Variants in GNB5 observed in about 807,000 individuals in gnomAD.
The protein encoded by GNB5 is G protein subunit beta 5, also known as guanine nucleotide-binding protein subunit beta-5.
A neutral mutation model predicts 55.3 loss-of-function variants in GNB5; 37 were observed. The observed-to-expected ratio is 0.67, with a 90% confidence interval of 0.51 to 0.88. The LOEUF is 0.88. GNB5 is among the 40% of genes least tolerant of loss of function. GNB5 has a pLI of 0.00. For synonymous variants in GNB5, 219 were observed against 198.5 expected, an observed-to-expected ratio of 1.10 and a Z score of -0.87; for missense variants, 476 against 515.3, an observed-to-expected ratio of 0.92 and a Z score of 0.74.
chr15:52,170,966 C>T (rs973791935), intron 3 of GNB5, among the ~76,000 whole-genome samples: 3 of 151,180 alleles, frequency 2.0e-5, no homozygotes, highest in African/African-American at 4.9e-5. Flanking sequence ...TGGTGGTGTG[C>T]GACTATAATC....
chr15:52,133,920 C>T (rs557419290), intron 8 of GNB5, among the ~76,000 whole-genome samples: 2 of 152,318 alleles, frequency 1.3e-5, no homozygotes, highest in Admixed American at 6.5e-5. Flanking sequence ...ATGGAGCAGC[C>T]GAGAGTCCCA....
chr15:52,158,279 C>G (rs1388355095), intron 3 of GNB5, among the ~76,000 whole-genome samples: 1 of 152,146 alleles, frequency 6.6e-6, no homozygotes, highest in Non-Finnish European at 1.5e-5. Context: ...ACCTCTCTTC[C>G]CCTGTGGGGT....
intron 10 of GNB5, among the ~76,000 whole-genome samples, chr15:52,127,298 G>T (rs1466419384): frequency 6.6e-6 from 1 of 152,164 alleles, no homozygotes; most frequent in African/African-American, 2.4e-5. Flanking sequence ...AGGTGACTTT[G>T]AAAATATTTT....
intron 5 of GNB5, among the ~76,000 whole-genome samples, chr15:52,149,006 G>A (rs1296232213): frequency 6.6e-6 from 1 of 152,244 alleles, no homozygotes; most frequent in Non-Finnish European, 1.5e-5. Context: ...TGAGAGAGAT[G>A]AAGGCTTCCA....
Position 52,126,023 on chromosome 15 carries a change from C to T in GNB5, c.934G>A (p.Ala312Thr). 6.3e-7 allele frequency: 1 copy of T among 1,579,438 alleles called. No homozygotes were observed. The highest frequency in any genetic ancestry group is 8.7e-7 in the Non-Finnish European group (1 of 1,151,398). The change falls in exon 11 of 13, where the codon GCA (alanine) becomes ACA (threonine). Residue 312 changes from alanine (A) to threonine (T), a missense_variant. By Grantham distance (58) the Ala-to-Thr change is moderately conservative. Coordinates refer to ENST00000261837, the MANE Select transcript of GNB5 (RefSeq NM_016194.4). Reference protein sequence around the residue: ...DATCRLYDLRADREVAIYSKE... With the variant: ...DATCRLYDLRTDREVAIYSKE... ...GAATAGATGGCAACCTCCCTATCTG[C>T]CCGCAGGTCATAGAGGCGACACTGG... is the stretch of plus-strand genomic sequence containing the variant.
At chr15:52,189,218 G>C (rs967103747) in intron 1 of GNB5, among the ~76,000 whole-genome samples, 1 of 152,208 alleles carries the variant, frequency 6.6e-6, no homozygotes, top group African/African-American at 2.4e-5. Context: ...AAAACGGTTT[G>C]GCAGTTATTC....
In GNB5 at chr15:52,182,532, A is replaced by T. The variant is rs147247422; in HGVS notation, c.126+2019T>A. On this transcript the variant is annotated intron_variant, in intron 2 of 12. Transcript: ENST00000261837. ...GCCATCAGACTTTTAATGGTTAGGC[A>T]GTTTTCCAAGTACTTTCTTGTATTT... 1.4e-3 allele frequency among the ~76,000 whole-genome samples: 217 copies of T among 152,332 alleles called. 1 individual carries two copies. The highest frequency in any genetic ancestry group is 4.7e-3 in the African/African-American group (196 of 41,582).
At position 52,116,414 on chromosome 15, in the gene GNB5, G is replaced by A. The variant is rs1183182624; in HGVS notation, c.*6343C>T. The A allele has an allele frequency of 6.6e-6, 1 of 152,154 alleles. No homozygotes were observed. Among genetic ancestry groups the A allele is most frequent in the Non-Finnish European group, 1.5e-5 (1 of 68,034 alleles). 9.4% of individuals were successfully genotyped at this position (152,154 alleles called of 1,614,324 possible). ...CTCCTGATCCCATCTCCTTACTAGAGGGTCTGCATCTTTTTTTCTGGTCCT... is the reference window on the plus strand; with the variant it reads ...CTCCTGATCCCATCTCCTTACTAGAAGGTCTGCATCTTTTTTTCTGGTCCT... On this transcript the variant is annotated 3_prime_UTR_variant, in exon 13 of 13. Coordinates refer to ENST00000261837, the MANE Select transcript of GNB5 (RefSeq NM_016194.4).
intron 9 of GNB5, among the ~76,000 whole-genome samples, chr15:52,132,230 C>T (rs2033595933): frequency 1.3e-5 from 2 of 152,204 alleles, no homozygotes; most frequent in Non-Finnish European, 2.9e-5. Context: ...TGTCCTTCAT[C>T]TCTGACCCAG....
At chr15:52,172,705 G>A (rs2034576284) in intron 3 of GNB5, among the ~76,000 whole-genome samples, 1 of 152,108 alleles carries the variant, frequency 6.6e-6, no homozygotes. Context: ...GTTTGAGGCG[G>A]CAGTGAACCA....
At chr15:52,165,196 G>A (rs1036142643) in intron 3 of GNB5, among the ~76,000 whole-genome samples, 3 of 152,116 alleles carry the variant, frequency 2.0e-5, no homozygotes, top group East Asian at 1.9e-4. Context: ...AAAACCTCCA[G>A]TAAATATGGG....
chr15:52,167,298 A>G (rs2034468525), intron 3 of GNB5, among the ~76,000 whole-genome samples: 1 of 152,190 alleles, frequency 6.6e-6, no homozygotes, highest in South Asian at 2.1e-4. Flanking sequence ...AACAATTGAA[A>G]AGGAGGGACT....
At chr15:52,184,243 A>G (rs1231146004) in intron 2 of GNB5, among the ~76,000 whole-genome samples, 1 of 152,218 alleles carries the variant, frequency 6.6e-6, no homozygotes, top group African/African-American at 2.4e-5. Context: ...AAATCATTTG[A>G]TCATCATAAA....
intron 3 of GNB5, among the ~76,000 whole-genome samples, chr15:52,159,126 T>G (rs1422983366): frequency 2.0e-5 from 3 of 152,144 alleles, no homozygotes; most frequent in Non-Finnish European, 4.4e-5. Context: ...CAATATTTTT[T>G]AGGGGTGGAA....
intron 11 of GNB5, chr15:52,124,870 G>A (rs2033380601): frequency 9.1e-6 from 4 of 440,630 alleles, no homozygotes; most frequent in East Asian, 3.8e-5. Context: ...CAGCCATAAT[G>A]CAAGTGCTTT....
chr15:52,180,834 A>G (rs528035666), intron 2 of GNB5: 2 of 152,416 alleles, frequency 1.3e-5, no homozygotes, highest in African/African-American at 2.4e-5. Flanking sequence ...ACAGGAGTCA[A>G]CTTGAATGGG....
chr15:52,164,905 G>A (rs1237830274), intron 3 of GNB5, among the ~76,000 whole-genome samples: 1 of 152,150 alleles, frequency 6.6e-6, no homozygotes, highest in Non-Finnish European at 1.5e-5. Flanking sequence ...GGGTAATAAT[G>A]AACTTCACTG....
intron 3 of GNB5, among the ~76,000 whole-genome samples, chr15:52,161,586 C>T (rs946186395): frequency 1.3e-5 from 2 of 152,336 alleles, no homozygotes; most frequent in South Asian, 4.1e-4. Flanking sequence ...CAGGTGTGAG[C>T]CACCGTGCCC....
At chr15:52,169,218 G>A (rs570658827) in intron 3 of GNB5, among the ~76,000 whole-genome samples, 42 of 151,414 alleles carry the variant, frequency 2.8e-4, no homozygotes, top group Non-Finnish European at 5.7e-4. Context: ...TACTTGGGAG[G>A]CTGAGGCACT....
Sources: gnomAD v4.1 joint callset for allele counts (sites outside exome capture counted in the v4.1 genomes callset) on GRCh38, gnomAD v4.1.1 for gene constraint, MANE v1.5 for transcripts, NCBI Gene and HGNC (gene_info 2026-07-23, HGNC 2026-07-21) for gene names.